Variants in PKNOX2 observed in about 807,000 individuals in gnomAD.
The protein encoded by PKNOX2 is PBX/knotted 1 homeobox 2.
A neutral mutation model predicts 53.1 loss-of-function variants in PKNOX2; 14 were observed. The observed-to-expected ratio is 0.26, with a 90% CI of 0.17 to 0.41. The LOEUF is 0.41. PKNOX2 is among the 10% of genes least tolerant of loss of function. PKNOX2 has a pLI of 1.00. For synonymous variants in PKNOX2, 257 were observed against 242.8 expected, an observed-to-expected ratio of 1.06 and a Z score of -0.54; for missense variants, 496 against 602.8, an observed-to-expected ratio of 0.82 and a Z score of 1.85.
chr11:125,178,281 G>T (rs569929049), intron 1 of PKNOX2, among the ~76,000 whole-genome samples: 1 of 151,832 alleles, frequency 6.6e-6, no homozygotes, highest in Admixed American at 6.6e-5. Context: ...GGAAGCCGAG[G>T]TAGGCAGATC....
At chr11:125,358,703 T>A (rs1951754999) in intron 4 of PKNOX2, among the ~76,000 whole-genome samples, 1 of 152,252 alleles carries the variant, frequency 6.6e-6, no homozygotes, top group South Asian at 2.1e-4. Flanking sequence ...ATGCCGGCCC[T>A]TCCTCTCCCT....
chr11:125,407,898 G>A (rs1247190378), intron 7 of PKNOX2, among the ~76,000 whole-genome samples: 2 of 152,208 alleles, frequency 1.3e-5, no homozygotes, highest in African/African-American at 4.8e-5. Context: ...AAACTCAGGC[G>A]TTGAGGGTCC....
At chr11:125,345,888 G>A (rs1463511627) in intron 3 of PKNOX2, among the ~76,000 whole-genome samples, 1 of 152,132 alleles carries the variant, frequency 6.6e-6, no homozygotes, top group Non-Finnish European at 1.5e-5. Context: ...TAGTAAACAG[G>A]TTATATTATA....
At chr11:125,180,720 G>T (rs1316248547) in intron 1 of PKNOX2, among the ~76,000 whole-genome samples, 3 of 152,188 alleles carry the variant, frequency 2.0e-5, no homozygotes, top group Non-Finnish European at 4.4e-5. Flanking sequence ...CAGCTTCCTG[G>T]TGTTCTGCTC....
At chr11:125,229,548 A>G (rs1182352016) in intron 1 of PKNOX2, among the ~76,000 whole-genome samples, 2 of 152,200 alleles carry the variant, frequency 1.3e-5, no homozygotes, top group Non-Finnish European at 2.9e-5. Flanking sequence ...GTCAATAAGG[A>G]GTCGTGGAAG....
intron 6 of PKNOX2, among the ~76,000 whole-genome samples, chr11:125,390,729 T>A (rs1231244415): frequency 6.6e-6 from 1 of 152,242 alleles, no homozygotes; most frequent in Non-Finnish European, 1.5e-5. Context: ...CAAGTGGCTC[T>A]AACTCCTGAA....
chr11:125,367,774 C>T (rs1051292624), intron 4 of PKNOX2, 72 bp from the exon 5 acceptor site: 86 of 1,525,952 alleles, frequency 5.6e-5, no homozygotes, highest in Non-Finnish European at 4.2e-5. Flanking sequence ...CCAAGGCGGA[C>T]CTCACACTAC....
chr11:125,241,297 C>T (rs370606401), intron 2 of PKNOX2, among the ~76,000 whole-genome samples: 17 of 152,210 alleles, frequency 1.1e-4, no homozygotes, highest in East Asian at 3.9e-4. Flanking sequence ...TTTTATGCCT[C>T]GGTGCCTTTG....
intron 2 of PKNOX2, among the ~76,000 whole-genome samples, chr11:125,268,619 T>A (rs1036021902): frequency 7.9e-5 from 12 of 152,206 alleles, no homozygotes; most frequent in African/African-American, 2.4e-4. Context: ...CTTTCAGTGA[T>A]ATTATTGAAA....
Position 125,368,779 on chromosome 11 carries a change from T to A in PKNOX2, c.227+794T>A, listed in dbSNP as rs150082142. On this transcript the variant is annotated intron_variant, in intron 5 of 12. Transcript: ENST00000298282. ...GATGAACTCCCATTCTTGTACATAG[T>A]TGGGGAGGAAGATGCTGTCACCTGA... Among the ~76,000 whole-genome samples, 146 of 152,228 alleles carry A rather than the reference T, an allele frequency of 9.6e-4. 2 individuals are homozygous for A. Among genetic ancestry groups the A allele is most frequent in the African/African-American group, 3.3e-3 (139 of 41,534 alleles).
At chr11:125,245,432 G>A (rs1242464869) in intron 2 of PKNOX2, among the ~76,000 whole-genome samples, 1 of 152,214 alleles carries the variant, frequency 6.6e-6, no homozygotes, top group African/African-American at 2.4e-5. Context: ...CAGAGCCACC[G>A]GGATTCAGAC....
intron 5 of PKNOX2, among the ~76,000 whole-genome samples, chr11:125,369,902 G>C (rs1448912617): frequency 6.6e-6 from 1 of 152,194 alleles, no homozygotes. Flanking sequence ...AGTATGGCCT[G>C]TGGACTGGCA....
intron 7 of PKNOX2, among the ~76,000 whole-genome samples, chr11:125,408,879 T>G (rs1955290660): frequency 6.6e-6 from 1 of 152,190 alleles, no homozygotes; most frequent in African/African-American, 2.4e-5. Context: ...CCAAGCTTCT[T>G]CAAGTCCTAA....
chr11:125,166,592 G>T lies in PKNOX2; in HGVS notation c.-201+1816G>T, dbSNP rs1220776358. Among the ~76,000 whole-genome samples, 3 of 152,142 alleles carry T rather than the reference G, an allele frequency of 2.0e-5. No individual in the cohort carries two copies. The highest frequency in any genetic ancestry group is 7.2e-5 in the African/African-American group (3 of 41,452). On this transcript the variant is annotated intron_variant, in intron 1 of 12. Transcript: ENST00000298282. The surrounding 1 kb of genome is among the most constrained non-coding windows in gnomAD (Gnocchi z 4.0). ...CGCGGCGGGGCGGGAGCGGTGGCCC[G>T]CAGGGGCCGCGGCCTGCGATGAAGG...
At chr11:125,335,893 C>T (rs1217882662) in intron 3 of PKNOX2, among the ~76,000 whole-genome samples, 1 of 151,984 alleles carries the variant, frequency 6.6e-6, no homozygotes, top group Non-Finnish European at 1.5e-5. Context: ...GCCAGATGGC[C>T]CAGGGCAGAG....
At chr11:125,212,604 C>T (rs969682830) in intron 1 of PKNOX2, among the ~76,000 whole-genome samples, 3 of 151,408 alleles carry the variant, frequency 2.0e-5, no homozygotes, top group Non-Finnish European at 4.4e-5. Flanking sequence ...CTCGGTGTTG[C>T]CAGGGGACTA....
chr11:125,179,494 G>A (rs1231647115), intron 1 of PKNOX2, among the ~76,000 whole-genome samples: 1 of 148,154 alleles, frequency 6.7e-6, no homozygotes, highest in African/African-American at 2.5e-5. Context: ...TCCCAGGCAG[G>A]GGGAGCATAG....
At chr11:125,221,846 C>T (rs535634651) in intron 1 of PKNOX2, among the ~76,000 whole-genome samples, 52 of 152,250 alleles carry the variant, frequency 3.4e-4, no homozygotes, top group Non-Finnish European at 5.7e-4. Context: ...CTCATAAAAA[C>T]TTCCTGTCCC....
At position 125,259,110 on chromosome 11, in the gene PKNOX2, C is replaced by T. The variant is rs531397740; in HGVS notation, c.-130+23995C>T. 1.7e-4 allele frequency: 27 copies of T among 157,626 alleles called. No homozygotes were observed. The South Asian group carries it at 1.9e-3, about 11-fold the overall frequency. 9.8% of individuals were successfully genotyped at this position (157,626 alleles called of 1,614,324 possible). Reference sequence around the variant, plus strand: ...CCAGAGTATTCATTCTCGGTCATGACACTGAAAGGCAATTAACAAGTGTAC... The same window carrying T: ...CCAGAGTATTCATTCTCGGTCATGATACTGAAAGGCAATTAACAAGTGTAC... On this transcript the variant is annotated intron_variant, in intron 2 of 12. Transcript: ENST00000298282.
Sources: gnomAD v4.1 joint callset for allele counts (sites outside exome capture counted in the v4.1 genomes callset) on GRCh38, gnomAD v4.1.1 for gene constraint, Gnocchi (gnomAD v3.1) non-coding constraint, MANE v1.5 for transcripts, NCBI Gene and HGNC (gene_info 2026-07-23, HGNC 2026-07-21) for gene names.